PRKN: variants seen among roughly 807,000 people sequenced by gnomAD.
PRKN encodes the protein parkin RBR E3 ubiquitin protein ligase.
In PRKN, 56 loss-of-function variants were observed where a neutral mutation model predicts 59.5. The ratio of observed to expected loss-of-function variants is 0.94; its 90% confidence interval spans 0.76 to 1.18. The LOEUF (loss-of-function observed/expected upper bound fraction) is 1.18. Ranked by LOEUF, PRKN falls within the 50% of genes most tolerant of loss-of-function variation. PRKN has a pLI of 0.00. For synonymous variants in PRKN, 250 were observed against 222.1 expected, an observed-to-expected ratio of 1.13 and a Z score of -1.12; for missense variants, 657 against 596.4, an observed-to-expected ratio of 1.10 and a Z score of -1.06.
intron 7 of PRKN, among the ~76,000 whole-genome samples, chr6:161,686,317 G>A (rs1785551673): frequency 6.6e-6 from 1 of 152,102 alleles, no homozygotes; most frequent in Non-Finnish European, 1.5e-5. Context: ...TCAATGGCTA[G>A]GGTAAATGGT....
chr6:162,128,453 G>T (rs1480371449), intron 4 of PRKN, among the ~76,000 whole-genome samples: 1 of 152,026 alleles, frequency 6.6e-6, no homozygotes, highest in Non-Finnish European at 1.5e-5. Context: ...CATAGTATGT[G>T]GCAAAAAGTG....
intron 5 of PRKN, among the ~76,000 whole-genome samples, chr6:162,021,772 G>T (rs1783213595): frequency 6.6e-6 from 1 of 152,044 alleles, no homozygotes; most frequent in Non-Finnish European, 1.5e-5. Context: ...TGGGGTTTGG[G>T]CTACCATTGA....
intron 6 of PRKN, among the ~76,000 whole-genome samples, chr6:161,925,820 C>T (rs920885342): frequency 1.3e-5 from 2 of 152,160 alleles, no homozygotes; most frequent in African/African-American, 4.8e-5. Context: ...TGGAAGACAT[C>T]CTCCTTCTTT....
At chr6:161,962,536 G>C (rs1780418240) in intron 6 of PRKN, among the ~76,000 whole-genome samples, 1 of 148,362 alleles carries the variant, frequency 6.7e-6, no homozygotes, top group South Asian at 2.1e-4. Context: ...CAGGAATGTA[G>C]CACCTTTTTT....
intron 6 of PRKN, among the ~76,000 whole-genome samples, chr6:161,821,159 G>C (rs1284926794): frequency 6.6e-6 from 1 of 151,938 alleles, no homozygotes; most frequent in Non-Finnish European, 1.5e-5. Flanking sequence ...AAAGCAAAAA[G>C]TAAAATCCCC....
chr6:162,318,415 C>T (rs1782838484), intron 2 of PRKN, among the ~76,000 whole-genome samples: 1 of 152,110 alleles, frequency 6.6e-6, no homozygotes, highest in Non-Finnish European at 1.5e-5. Context: ...ATGAATTATA[C>T]TGCTATGAAC....
At chr6:161,673,912 T>C (rs1032219079) in intron 7 of PRKN, among the ~76,000 whole-genome samples, 8 of 152,184 alleles carry the variant, frequency 5.3e-5, no homozygotes, top group African/African-American at 1.2e-4. Flanking sequence ...ACATTCATAT[T>C]TGGCATTATG....
intron 1 of PRKN, among the ~76,000 whole-genome samples, chr6:162,580,911 A>G (rs1369559527): frequency 6.6e-6 from 1 of 152,212 alleles, no homozygotes; most frequent in Non-Finnish European, 1.5e-5. Flanking sequence ...AGTGTAAGAC[A>G]GACATCATTC....
At chr6:162,407,413 C>A (rs1177838712) in intron 2 of PRKN, among the ~76,000 whole-genome samples, 1 of 152,166 alleles carries the variant, frequency 6.6e-6, no homozygotes, top group African/African-American at 2.4e-5. Context: ...ATCGTGAAAA[C>A]AAATGTAATA....
At chr6:162,250,226 A>T (rs1240668677) in intron 3 of PRKN, among the ~76,000 whole-genome samples, 1 of 152,070 alleles carries the variant, frequency 6.6e-6, no homozygotes, top group African/African-American at 2.4e-5. Context: ...AATAGCCACA[A>T]CTTAGAAATG....
intron 6 of PRKN, among the ~76,000 whole-genome samples, chr6:161,869,023 A>C (rs879206838): frequency 6.6e-6 from 1 of 152,228 alleles, no homozygotes; most frequent in Non-Finnish European, 1.5e-5. Flanking sequence ...CCTCACTGGA[A>C]CTAAACCACA....
At chr6:161,754,136 G>C (rs1788812701) in intron 7 of PRKN, among the ~76,000 whole-genome samples, 1 of 152,112 alleles carries the variant, frequency 6.6e-6, no homozygotes, top group African/African-American at 2.4e-5. Context: ...GATTTCTAGG[G>C]GAGAGAAAGC....
At chr6:162,121,193 C>T (rs1229626502) in intron 4 of PRKN, among the ~76,000 whole-genome samples, 1 of 152,148 alleles carries the variant, frequency 6.6e-6, no homozygotes, top group Non-Finnish European at 1.5e-5. Context: ...ATGCTTACCT[C>T]AAACTAACTA....
chr6:162,559,575 A>C (rs181776541), intron 1 of PRKN, among the ~76,000 whole-genome samples: 1 of 152,202 alleles, frequency 6.6e-6, no homozygotes, highest in Admixed American at 6.5e-5. Context: ...CAGCTGAGGC[A>C]TTTATCTTGT....
intron 1 of PRKN, among the ~76,000 whole-genome samples, chr6:162,646,010 G>A (rs1477490626): frequency 6.6e-6 from 1 of 151,722 alleles, no homozygotes; most frequent in Non-Finnish European, 1.5e-5. Context: ...CAGTAGCTGG[G>A]ACTTCAGGCG....
chr6:162,014,719 T>G (rs1782868592), intron 5 of PRKN, among the ~76,000 whole-genome samples: 1 of 152,048 alleles, frequency 6.6e-6, no homozygotes, highest in African/African-American at 2.4e-5. Flanking sequence ...CCTGGCTCTC[T>G]CTCCCAGCTG....
At chr6:161,426,676 C>CGCAT (rs11271613) in intron 9 of PRKN, among the ~76,000 whole-genome samples, 1 of 142,678 alleles carries the variant, frequency 7.0e-6, no homozygotes, top group Non-Finnish European at 1.5e-5. Flanking sequence ...CACACACACA[C>CGCAT]CTCCTATTAG....
intron 6 of PRKN, among the ~76,000 whole-genome samples, chr6:161,869,706 G>T (rs1794267355): frequency 6.6e-6 from 1 of 152,044 alleles, no homozygotes; most frequent in African/African-American, 2.4e-5. Flanking sequence ...CAAGCCTTGT[G>T]GATCCCTCCT....
At chr6:162,226,840 C>T (rs995668707) in intron 3 of PRKN, among the ~76,000 whole-genome samples, 5 of 152,182 alleles carry the variant, frequency 3.3e-5, no homozygotes, top group South Asian at 2.1e-4. Context: ...ATGGGCAGCT[C>T]GCTGCTTCAG....
Sources: allele counts gnomAD v4.1 joint callset (sites outside exome capture counted in the v4.1 genomes callset), GRCh38; gene constraint gnomAD v4.1.1; transcripts MANE v1.5; gene names NCBI Gene and HGNC (gene_info 2026-07-23, HGNC 2026-07-21).